Variants in MBOAT2 observed in about 807,000 individuals in gnomAD.
The protein encoded by MBOAT2 is membrane-bound glycerophospholipid O-acyltransferase 2.
MBOAT2 carries 28 observed loss-of-function variants against 63.4 expected under a neutral mutation model. The observed-to-expected ratio is 0.44, with a 90% CI of 0.33 to 0.61. The LOEUF is 0.61. Among genes scored for constraint, MBOAT2 ranks in the 20% least tolerant of loss-of-function variants. The pLI is 0.03. For missense variants in MBOAT2, 470 were observed against 605.8 expected, an observed-to-expected ratio of 0.78 and a Z score of 2.35; for synonymous variants, 211 against 215.6, an observed-to-expected ratio of 0.98 and a Z score of 0.19.
chr2:8,913,437 CAAAG>C (rs1665933087), intron 3 of MBOAT2, among the ~76,000 whole-genome samples: 2 of 151,350 alleles, frequency 1.3e-5, no homozygotes, highest in Admixed American at 1.3e-4. Flanking sequence ...ATACATCTAA[CAAAG>C]AAATAATATC....
chr2:8,976,531 G>A (rs1178883393), intron 1 of MBOAT2, among the ~76,000 whole-genome samples: 1 of 152,106 alleles, frequency 6.6e-6, no homozygotes, highest in Non-Finnish European at 1.5e-5. Context: ...GCATCACACA[G>A]AACACAGACG....
At chr2:8,927,518 G>A (rs960069606) in intron 3 of MBOAT2, among the ~76,000 whole-genome samples, 10 of 152,178 alleles carry the variant, frequency 6.6e-5, no homozygotes, top group African/African-American at 9.7e-5. Flanking sequence ...CAGTAGCTCC[G>A]TCGAGTTGCG....
At chr2:8,968,144 G>A (rs1408141109) in intron 1 of MBOAT2, among the ~76,000 whole-genome samples, 1 of 151,782 alleles carries the variant, frequency 6.6e-6, no homozygotes, top group East Asian at 2.0e-4. Context: ...GGGGCAGACT[G>A]ACACCTCACA....
chr2:8,989,370 A>C (rs1165006205), intron 1 of MBOAT2, among the ~76,000 whole-genome samples: 1 of 152,216 alleles, frequency 6.6e-6, no homozygotes, highest in Non-Finnish European at 1.5e-5. Context: ...AATTTATGAG[A>C]ACATGCTTAT....
At chr2:8,928,645 T>C (rs551860406) in intron 3 of MBOAT2, among the ~76,000 whole-genome samples, 6 of 152,086 alleles carry the variant, frequency 3.9e-5, no homozygotes, top group Non-Finnish European at 7.4e-5. Flanking sequence ...ATAATAAAAT[T>C]TTTATGAAAA....
At chr2:8,871,962 G>A (rs1480819605) in intron 8 of MBOAT2, among the ~76,000 whole-genome samples, 1 of 152,150 alleles carries the variant, frequency 6.6e-6, no homozygotes, top group East Asian at 1.9e-4. Context: ...ATATAAAAGA[G>A]GTTTCAATTT....
intron 6 of MBOAT2, among the ~76,000 whole-genome samples, chr2:8,879,428 G>A (rs531822735): frequency 6.6e-6 from 1 of 152,170 alleles, no homozygotes; most frequent in African/African-American, 2.4e-5. Flanking sequence ...GTCATTTTAG[G>A]TACCGAAGTA....
chr2:8,930,512 C>T (rs547827450), intron 3 of MBOAT2, among the ~76,000 whole-genome samples: 12 of 152,238 alleles, frequency 7.9e-5, no homozygotes, highest in Admixed American at 5.2e-4. Flanking sequence ...CAAGTCTTTG[C>T]TATTGTGAAT....
At chr2:8,955,747 G>A (rs983983841) in intron 2 of MBOAT2, among the ~76,000 whole-genome samples, 1 of 152,210 alleles carries the variant, frequency 6.6e-6, no homozygotes, top group African/African-American at 2.4e-5. Context: ...ACATGCTACA[G>A]AGAAATCTTT....
At chr2:8,917,912 CACA>C (rs1380526749) in intron 3 of MBOAT2, among the ~76,000 whole-genome samples, 1 of 152,110 alleles carries the variant, frequency 6.6e-6, no homozygotes, top group East Asian at 1.9e-4. Flanking sequence ...AACTGTGAAA[CACA>C]ACAACAGGGA....
intron 4 of MBOAT2, among the ~76,000 whole-genome samples, chr2:8,896,187 C>G (rs1287181031): frequency 1.4e-5 from 2 of 143,938 alleles, no homozygotes; most frequent in African/African-American, 5.3e-5. Flanking sequence ...TGCAGTGAGC[C>G]GAGATCGAGC....
intron 1 of MBOAT2, among the ~76,000 whole-genome samples, chr2:8,990,861 T>A (rs1200623812): frequency 3.9e-5 from 6 of 152,206 alleles, no homozygotes. Flanking sequence ...ACTAGTCTCA[T>A]CGTACAAGAA....
At chr2:8,978,702 T>C (rs988787771) in intron 1 of MBOAT2, among the ~76,000 whole-genome samples, 3 of 151,972 alleles carry the variant, frequency 2.0e-5, no homozygotes, top group Non-Finnish European at 2.9e-5. Context: ...TTAGGACAAA[T>C]AGCTAATGCA....
At chr2:8,903,872 A>G (rs1329329354) in intron 4 of MBOAT2, among the ~76,000 whole-genome samples, 6 of 152,230 alleles carry the variant, frequency 3.9e-5, no homozygotes, top group Admixed American at 2.0e-4. Context: ...ATTCTTCTAG[A>G]GAAAAATTTT....
Position 8,944,648 on chromosome 2 carries a change from G to GACACACAC in MBOAT2, c.222-1392_222-1385dup, listed in dbSNP as rs61107364. ...AATAGGTCAGTCTATCTGTTTGACT[G>GACACACAC]ACACACACACACACACACACACACA... On this transcript the variant is annotated intron_variant, in intron 2 of 12. Transcript: ENST00000305997. Among the ~76,000 whole-genome samples the GACACACAC allele has an allele frequency of 4.2e-3, 595 of 140,214 alleles. 2 individuals are homozygous for GACACACAC. The highest frequency in any genetic ancestry group is 7.7e-3 in the African/African-American group (301 of 38,926). The allele number at this position is 140,214 out of a possible 152,430, so 92.0% of individuals were successfully genotyped here.
intron 3 of MBOAT2, among the ~76,000 whole-genome samples, chr2:8,919,999 C>A (rs1477110858): frequency 1.3e-5 from 2 of 152,148 alleles, no homozygotes; most frequent in African/African-American, 2.4e-5. Context: ...CTCCTGGCCT[C>A]AAGCAATCCT....
At chr2:8,945,280 T>G (rs1315774547) in intron 2 of MBOAT2, among the ~76,000 whole-genome samples, 1 of 152,174 alleles carries the variant, frequency 6.6e-6, no homozygotes, top group Non-Finnish European at 1.5e-5. Flanking sequence ...ACAACAAGCA[T>G]TCAGTTGCTT....
chr2:8,992,220 A>G (rs1217724274), intron 1 of MBOAT2, among the ~76,000 whole-genome samples: 1 of 152,238 alleles, frequency 6.6e-6, no homozygotes. Flanking sequence ...ATCCAATTTT[A>G]CTATTTATTG....
chr2:8,982,927 C>T (rs749002426), intron 1 of MBOAT2, among the ~76,000 whole-genome samples: 1 of 152,128 alleles, frequency 6.6e-6, no homozygotes, highest in Non-Finnish European at 1.5e-5. Flanking sequence ...GGGACCATAG[C>T]GGATCTGATT....
Sources: allele counts gnomAD v4.1 joint callset (sites outside exome capture counted in the v4.1 genomes callset), GRCh38; gene constraint gnomAD v4.1.1; transcripts MANE v1.5; gene names NCBI Gene and HGNC (gene_info 2026-07-23, HGNC 2026-07-21).